The following UTRN variants were observed in gnomAD, a reference collection of about 807,000 sequenced individuals.
UTRN encodes the protein utrophin.
Under a neutral mutation model 463.9 loss-of-function variants are expected in UTRN, and 283 were observed. The ratio of observed to expected loss-of-function variants is 0.61; its 90% CI spans 0.55 to 0.67. The LOEUF (loss-of-function observed/expected upper bound fraction) is 0.67. Among genes scored for constraint, UTRN ranks in the 30% least tolerant of loss-of-function variants. UTRN has a pLI of 0.00. For synonymous variants in UTRN, 1,442 were observed against 1,431.5 expected, an observed-to-expected ratio of 1.01 and a Z score of -0.17; for missense variants, 3,922 against 4,084.3, an observed-to-expected ratio of 0.96 and a Z score of 1.08.
At chr6:144,686,655 CT>C (rs199966410) in intron 52 of UTRN, among the ~76,000 whole-genome samples, 3 of 150,874 alleles carry the variant, frequency 2.0e-5, no homozygotes, top group East Asian at 3.9e-4. Flanking sequence ...CCTTCTTTGT[CT>C]TTTTTTTTAA....
intron 53 of UTRN, among the ~76,000 whole-genome samples, chr6:144,707,829 G>C (rs1173489590): frequency 1.3e-5 from 2 of 152,178 alleles, no homozygotes; most frequent in Non-Finnish European, 1.5e-5. Flanking sequence ...ATTTGTGTAA[G>C]AGTGAATGTG....
At chr6:144,523,235 G>A (rs1368101921) in intron 41 of UTRN, 47 bp downstream of exon 41, 1 of 1,398,688 alleles carries the variant, frequency 7.1e-7, no homozygotes, top group Admixed American at 2.3e-5. Flanking sequence ...ATGCCTGCAA[G>A]TTCATGGGCG....
chr6:144,299,550 A>G (rs1342510537), intron 2 of UTRN, among the ~76,000 whole-genome samples: 1 of 151,838 alleles, frequency 6.6e-6, no homozygotes, highest in Non-Finnish European at 1.5e-5. Flanking sequence ...ATTTTGGCCC[A>G]TTGAACCAGA....
intron 52 of UTRN, among the ~76,000 whole-genome samples, chr6:144,679,405 G>T (rs1483243187): frequency 6.6e-6 from 1 of 152,144 alleles, no homozygotes; most frequent in East Asian, 1.9e-4. Flanking sequence ...AACATTGGCA[G>T]GAAGTCCTGG....
chr6:144,641,150 A>G (rs1014167312), intron 51 of UTRN, among the ~76,000 whole-genome samples: 3 of 152,192 alleles, frequency 2.0e-5, no homozygotes, highest in Non-Finnish European at 4.4e-5. Flanking sequence ...GGTCCTGAGG[A>G]CATGTACCCA....
At chr6:144,392,189 T>G (rs1051189249) in intron 2 of UTRN, among the ~76,000 whole-genome samples, 1 of 152,270 alleles carries the variant, frequency 6.6e-6, no homozygotes, top group Non-Finnish European at 1.5e-5. Context: ...TTGGGTTAAA[T>G]AGTACATATT....
chr6:144,551,608 A>C (rs1005449785), intron 48 of UTRN, among the ~76,000 whole-genome samples: 1 of 152,212 alleles, frequency 6.6e-6, no homozygotes, highest in South Asian at 2.1e-4. Flanking sequence ...AAACAATAGC[A>C]AACAAAGATC....
chr6:144,602,297 G>C (rs971999454), intron 51 of UTRN, among the ~76,000 whole-genome samples: 1 of 151,226 alleles, frequency 6.6e-6, no homozygotes, highest in South Asian at 2.1e-4. Flanking sequence ...AGTCCCGGCT[G>C]ATTTTTTTTT....
chr6:144,547,842 A>G (rs1562556261), intron 46 of UTRN, among the ~76,000 whole-genome samples: 1 of 152,208 alleles, frequency 6.6e-6, no homozygotes, highest in Non-Finnish European at 1.5e-5. Context: ...AATTTGAATT[A>G]ATGATTTTGT....
chr6:144,624,138 C>T (rs1278601777), intron 51 of UTRN, among the ~76,000 whole-genome samples: 1 of 151,950 alleles, frequency 6.6e-6, no homozygotes, highest in Non-Finnish European at 1.5e-5. Context: ...GGGATGAAGC[C>T]AGTGTTGCCA....
chr6:144,450,920 C>T (rs143307463), intron 17 of UTRN, among the ~76,000 whole-genome samples: 24 of 152,280 alleles, frequency 1.6e-4, no homozygotes, highest in African/African-American at 5.1e-4. Flanking sequence ...TGAGGTCAGC[C>T]TGGCCAACAT....
intron 19 of UTRN, among the ~76,000 whole-genome samples, chr6:144,456,729 G>A (rs1449210007): frequency 1.3e-5 from 2 of 151,078 alleles, no homozygotes; most frequent in Non-Finnish European, 2.9e-5. Flanking sequence ...GACTTTCATA[G>A]CTGATATACT....
intron 22 of UTRN, among the ~76,000 whole-genome samples, chr6:144,461,889 A>G (rs892522263): frequency 5.3e-5 from 8 of 151,944 alleles, no homozygotes; most frequent in African/African-American, 1.9e-4. Context: ...TGAGTTTTTC[A>G]TGTTTTGTTT....
rs965749718 is a variant in UTRN at position 144,389,702 on chromosome 6, G to A, written c.80-13421G>A. 4.6e-5 allele frequency among the ~76,000 whole-genome samples: 7 copies of A among 151,888 alleles called. No individual in the cohort carries two copies. The East Asian group carries it at 5.8e-4, about 13-fold the overall frequency. On this transcript the variant is annotated intron_variant, in intron 2 of 74. Transcript: ENST00000367545. ...CAACCTCTGTCTCCCAGGTTCAAGC[G>A]ATTCTCCCGCCTCAGCCTCCTGAGT...
chr6:144,512,198 G>A (rs1024487327), intron 35 of UTRN, among the ~76,000 whole-genome samples: 1 of 152,072 alleles, frequency 6.6e-6, no homozygotes, highest in Non-Finnish European at 1.5e-5. Flanking sequence ...GAATATAATA[G>A]TGAATATGAG....
intron 72 of UTRN, 36 bp from the exon 73 acceptor site, chr6:144,840,704 G>C: frequency 6.2e-7 from 1 of 1,609,708 alleles, no homozygotes; most frequent in Non-Finnish European, 8.5e-7. Flanking sequence ...ACATTAATTT[G>C]AGAAGCTTTG....
chr6:144,436,011 T>C lies in UTRN; in HGVS notation c.932T>C (p.Leu311Pro). The change falls in exon 10 of 75, where the codon CTG (leucine) becomes CCG (proline). Residue 311 changes from leucine (L) to proline (P), a missense_variant. Physicochemically the swap from Leu to Pro is moderately conservative, Grantham distance 98. Around this residue, in one of 3 missense-constraint regions of UTRN, gnomAD observed 2,349 missense variants for 2,303.8 expected, o/e 1.02. Transcript: ENST00000367545. ...ACTGTCACTGAGGTTGACATGGATC[T>C]GGACAGCTATCAGATTGCGTTGGAG... ...PSTVTEVDMDLDSYQIALEEV... is the reference protein window; with the variant it reads ...PSTVTEVDMDPDSYQIALEEV... The C allele has an allele frequency of 6.2e-7, 1 of 1,614,260 alleles. No individual in the cohort carries two copies. Among genetic ancestry groups the C allele is most frequent in the Non-Finnish European group, 8.5e-7 (1 of 1,180,042 alleles).
In UTRN at chr6:144,626,662, G is replaced by A. The variant is rs554510179; in HGVS notation, c.7479+49374G>A. Among the ~76,000 whole-genome samples, 422 of 152,206 alleles carry A rather than the reference G, an allele frequency of 2.8e-3. 2 individuals carry two copies. Among genetic ancestry groups the A allele is most frequent in the African/African-American group, 8.2e-3 (341 of 41,526 alleles). On this transcript the variant is annotated intron_variant, in intron 51 of 74. Coordinates refer to ENST00000367545, the MANE Select transcript of UTRN (RefSeq NM_007124.3). ...TGGCTTTTCTTTTTTCTTTTGAGAC[G>A]GAGTCTCGCTCTGTCGCCCAGGCTA...
At chr6:144,770,899 T>C (rs1052894763) in intron 58 of UTRN, among the ~76,000 whole-genome samples, 2 of 151,994 alleles carry the variant, frequency 1.3e-5, no homozygotes, top group Admixed American at 6.6e-5. Flanking sequence ...GAAGAAAGGG[T>C]AGATTTGCAC....
Sources: gnomAD v4.1 joint callset for allele counts (sites outside exome capture counted in the v4.1 genomes callset) on GRCh38, gnomAD v4.1.1 for gene constraint, gnomAD v4.1.1 regional missense constraint, MANE v1.5 for transcripts, NCBI Gene and HGNC (gene_info 2026-07-23, HGNC 2026-07-21) for gene names.